Variants in OXR1 observed in about 807,000 individuals in gnomAD.
OXR1 encodes oxidation resistance 1.
A neutral mutation model predicts 104.6 loss-of-function variants in OXR1; 41 were observed. The ratio of observed to expected loss-of-function variants is 0.39; its 90% CI spans 0.31 to 0.51. The LOEUF (loss-of-function observed/expected upper bound fraction) is 0.51. OXR1 is among the 20% of genes least tolerant of loss of function. OXR1 has a pLI of 0.77. For synonymous variants in OXR1, 348 were observed against 348.4 expected, an observed-to-expected ratio of 1.00 and a Z score of 0.01; for missense variants, 955 against 1,031.9, an observed-to-expected ratio of 0.93 and a Z score of 1.02.
At chr8:106,439,393 C>T (rs1215780709) in intron 2 of OXR1, among the ~76,000 whole-genome samples, 1 of 151,782 alleles carries the variant, frequency 6.6e-6, no homozygotes, top group Non-Finnish European at 1.5e-5. Context: ...TTCTAGCCTC[C>T]AGAACTGTGA....
intron 3 of OXR1, among the ~76,000 whole-genome samples, chr8:106,661,836 A>G (rs542997832): frequency 6.6e-6 from 1 of 152,342 alleles, no homozygotes; most frequent in Non-Finnish European, 1.5e-5. Flanking sequence ...TTCAATTTAT[A>G]TCTCCATTTA....
At chr8:106,348,885 A>G (rs1815607270) in intron 1 of OXR1, among the ~76,000 whole-genome samples, 1 of 152,210 alleles carries the variant, frequency 6.6e-6, no homozygotes, top group Non-Finnish European at 1.5e-5. Flanking sequence ...GGAGGATCCC[A>G]AGCGTAATAG....
intron 2 of OXR1, among the ~76,000 whole-genome samples, chr8:106,435,755 T>G (rs533251949): frequency 6.6e-6 from 1 of 152,306 alleles, no homozygotes; most frequent in African/African-American, 2.4e-5. Flanking sequence ...CACCATAGCA[T>G]GTGGCCCTAT....
Position 106,550,835 on chromosome 8 carries a change from A to G in OXR1, c.220+31696A>G, listed in dbSNP as rs907336086. On this transcript the variant is annotated intron_variant, in intron 3 of 16. Coordinates refer to ENST00000517566, the MANE Select transcript of OXR1 (RefSeq NM_001198533.2). ...TGGGTATGTCTTTATAGCAGTGTGAAAATGAACTAATACACCCTGTCTAGA... is the reference window on the plus strand; with the variant it reads ...TGGGTATGTCTTTATAGCAGTGTGAGAATGAACTAATACACCCTGTCTAGA... Among the ~76,000 whole-genome samples the G allele has an allele frequency of 8.5e-5, 13 of 152,292 alleles. No homozygotes were observed. In the South Asian group the frequency reaches 2.5e-3, roughly 29 times the overall value.
At chr8:106,622,235 C>T (rs1821762728) in intron 3 of OXR1, among the ~76,000 whole-genome samples, 1 of 152,060 alleles carries the variant, frequency 6.6e-6, no homozygotes, top group South Asian at 2.1e-4. Context: ...TGCACTGCTT[C>T]CTCCTCGGTC....
chr8:106,531,166 C>T (rs34840561), intron 3 of OXR1, among the ~76,000 whole-genome samples: 3 of 152,150 alleles, frequency 2.0e-5, no homozygotes, highest in African/African-American at 7.2e-5. Flanking sequence ...TGATAAGCCT[C>T]TTTCATAAAT....
At chr8:106,672,508 A>G (rs142906478) in intron 3 of OXR1, among the ~76,000 whole-genome samples, 8 of 90,484 alleles carry the variant, frequency 8.8e-5, no homozygotes, top group East Asian at 2.9e-4. Flanking sequence ...AAGAGAGAGA[A>G]AGAAAGAAAG....
chr8:106,726,252 T>G (rs763281554), intron 11 of OXR1: 15 of 1,528,816 alleles, frequency 9.8e-6, no homozygotes, highest in Non-Finnish European at 1.3e-5. Context: ...AAATGTCTCG[T>G]CTCTGGTATG....
intron 11 of OXR1, among the ~76,000 whole-genome samples, chr8:106,725,255 G>A (rs1284173428): frequency 6.6e-6 from 1 of 152,008 alleles, no homozygotes; most frequent in Non-Finnish European, 1.5e-5. Flanking sequence ...GGAAGGAGAT[G>A]GGAGTGGGGG....
chr8:106,709,450 T>C (rs548840532), intron 9 of OXR1, among the ~76,000 whole-genome samples: 34 of 152,174 alleles, frequency 2.2e-4, no homozygotes, highest in South Asian at 1.0e-3. Flanking sequence ...AGACAGAAAA[T>C]GCATCTGATA....
At chr8:106,321,518 A>T (rs1209312689) in intron 1 of OXR1, among the ~76,000 whole-genome samples, 2 of 152,160 alleles carry the variant, frequency 1.3e-5, no homozygotes, top group Admixed American at 1.3e-4. Context: ...GATGGGCCAA[A>T]CAGCCCTACA....
chr8:106,603,774 C>T (rs911256250), intron 3 of OXR1, among the ~76,000 whole-genome samples: 4 of 152,124 alleles, frequency 2.6e-5, no homozygotes, highest in African/African-American at 4.8e-5. Flanking sequence ...AGAACAGGGC[C>T]GGGCACAGTG....
At chr8:106,455,850 A>G (rs1400176733) in intron 2 of OXR1, among the ~76,000 whole-genome samples, 6 of 152,340 alleles carry the variant, frequency 3.9e-5, no homozygotes, top group East Asian at 1.9e-4. Context: ...TGTTTTCCCA[A>G]TAGACCTAGA....
At chr8:106,556,492 CT>C (rs1385372759) in intron 3 of OXR1, among the ~76,000 whole-genome samples, 4 of 152,116 alleles carry the variant, frequency 2.6e-5, no homozygotes, top group Non-Finnish European at 5.9e-5. Context: ...CAAATGAATC[CT>C]GCCTCTGCCT....
At chr8:106,674,611 G>T (rs903838482) in intron 3 of OXR1, among the ~76,000 whole-genome samples, 2 of 152,076 alleles carry the variant, frequency 1.3e-5, no homozygotes, top group African/African-American at 4.8e-5. Flanking sequence ...GGGGCCAGGG[G>T]CAGAATGATA....
intron 6 of OXR1, among the ~76,000 whole-genome samples, chr8:106,688,887 TATAACTGAGAC>T (rs1157211002): frequency 5.3e-5 from 8 of 152,154 alleles, no homozygotes; most frequent in Admixed American, 5.2e-4. Flanking sequence ...GCAGGTACTC[TATAACTGAGAC>T]ATATGATCTA....
At chr8:106,355,125 G>A (rs1157759591) in intron 1 of OXR1, among the ~76,000 whole-genome samples, 1 of 152,020 alleles carries the variant, frequency 6.6e-6, no homozygotes, top group Non-Finnish European at 1.5e-5. Flanking sequence ...TATCATAGCT[G>A]GGCATTCAGG....
rs1317740015 is a variant in OXR1, at chr8:106,706,747, G to T, written c.1226G>T (p.Cys409Phe). 1.2e-6 allele frequency: 2 copies of T among 1,612,148 alleles called. No individual in the cohort carries two copies. The highest frequency in any genetic ancestry group is 2.2e-5 in the South Asian group (2 of 90,320). ...TCTACAAATGAAGTTGGGACTTTAT[G>T]TCATAAAACTGATTTAAATAATCTT... ...EHSTNEVGTL[C>F]HKTDLNNLEM... The change falls in exon 9 of 17, where the codon TGT (cysteine) becomes TTT (phenylalanine). Residue 409 changes from cysteine (C) to phenylalanine (F), a missense_variant. Cys to Phe is a radical substitution (Grantham distance 205). Coordinates refer to ENST00000517566, the MANE Select transcript of OXR1 (RefSeq NM_001198533.2).
intron 1 of OXR1, among the ~76,000 whole-genome samples, chr8:106,295,389 T>A (rs1464855047): frequency 6.6e-6 from 1 of 152,136 alleles, no homozygotes; most frequent in Non-Finnish European, 1.5e-5. Context: ...TATACCTACA[T>A]ATACACTGTA....
Sources: gnomAD v4.1 joint callset for allele counts (sites outside exome capture counted in the v4.1 genomes callset) on GRCh38, gnomAD v4.1.1 for gene constraint, MANE v1.5 for transcripts, NCBI Gene and HGNC (gene_info 2026-07-23, HGNC 2026-07-21) for gene names.